Variants in EPB41 observed in about 807,000 individuals in gnomAD.
EPB41 encodes protein 4.1.
EPB41 carries 65 observed loss-of-function variants against 108.0 expected under a neutral mutation model. The ratio of observed to expected loss-of-function variants is 0.60; its 90% CI spans 0.49 to 0.74. EPB41 has a LOEUF of 0.74. Ranked by LOEUF, EPB41 falls within the 30% of genes least tolerant of loss-of-function variation. The pLI, the probability that EPB41 is intolerant of heterozygous loss-of-function variation, is 0.00. For synonymous variants in EPB41, 336 were observed against 358.9 expected (o/e 0.94, Z 0.72); for missense variants, 875 against 1,037.0 (o/e 0.84, Z 2.15).
intron 16 of EPB41, among the ~76,000 whole-genome samples, chr1:29,088,771 C>G (rs1660170272): frequency 6.6e-6 from 1 of 152,088 alleles, no homozygotes; most frequent in Non-Finnish European, 1.5e-5. Context: ...TTGTATGTCT[C>G]AAAGTTAAAG....
chr1:29,111,901 C>T (rs573950066), intron 18 of EPB41, among the ~76,000 whole-genome samples: 20 of 150,164 alleles, frequency 1.3e-4, no homozygotes, highest in East Asian at 1.2e-3. Context: ...TGCTTGAACC[C>T]GGGAGGCAGA....
chr1:28,987,899 A>C lies in EPB41; in HGVS notation c.462A>C (p.Glu154Asp). The stretch of plus-strand genomic sequence containing the variant: ...ATCTTCATTCATTAAGCAGTGCAGA[A>C]ACACAGGTAAGGATGTGTGGATATG... ...SLDLHSLSSAETQPAQEELRE... is the reference protein window; with the variant it reads ...SLDLHSLSSADTQPAQEELRE... Residue 154 changes from glutamate (E) to aspartate (D), a missense_variant, in exon 2 of 21, where the codon GAA becomes GAC. By Grantham distance (45) the Glu-to-Asp change is conservative. Coordinates refer to ENST00000343067, the MANE Select transcript of EPB41 (RefSeq NM_001376013.1). 6.2e-7 allele frequency: 1 copy of C among 1,614,160 alleles called. No individual in the cohort carries two copies. The highest frequency in any genetic ancestry group is 8.5e-7 in the Non-Finnish European group (1 of 1,179,986).
rs527623733 is a variant in EPB41, at chr1:29,007,073, C to G, written c.787-4792C>G. Among the ~76,000 whole-genome samples the G allele has an allele frequency of 2.6e-5, 4 of 151,868 alleles. No individual in the cohort carries two copies. The South Asian group carries it at 8.3e-4, about 32-fold the overall frequency. ...GATTCATTCATGCTGTTTCAAATAG[C>G]AATAGTTCATTCTCATTACTGTATA... On this transcript the variant is annotated intron_variant, in intron 4 of 20. Transcript: ENST00000343067.
At chr1:29,070,694 G>A (rs1029484052) in intron 16 of EPB41, 2 of 1,230,736 alleles carry the variant, frequency 1.6e-6, no homozygotes, top group African/African-American at 3.1e-5. Flanking sequence ...ATTGCTGTAT[G>A]ATGCCCTCTG....
At chr1:29,002,953 A>G (rs2096327749) in intron 4 of EPB41, among the ~76,000 whole-genome samples, 1 of 152,230 alleles carries the variant, frequency 6.6e-6, no homozygotes, top group Non-Finnish European at 1.5e-5. Flanking sequence ...TTTTCAGGAA[A>G]AACTGGTCTG....
chr1:28,913,933 G>A (rs960466746), upstream of EPB41, among the ~76,000 whole-genome samples: 2 of 152,184 alleles, frequency 1.3e-5, no homozygotes, highest in Non-Finnish European at 2.9e-5. Flanking sequence ...ATCCTTAAAT[G>A]CAGAAGACAG....
chr1:28,961,965 T>C (rs144468324), intron 1 of EPB41, among the ~76,000 whole-genome samples: 1 of 152,312 alleles, frequency 6.6e-6, no homozygotes, highest in Non-Finnish European at 1.5e-5. Flanking sequence ...CGTTAAATTT[T>C]AAGTTGGTTT....
chr1:29,011,441 C>T (rs1319973419), intron 4 of EPB41, among the ~76,000 whole-genome samples: 1 of 151,808 alleles, frequency 6.6e-6, no homozygotes, highest in African/African-American at 2.4e-5. Flanking sequence ...AATGTGGATG[C>T]TGTCAATTAA....
At chr1:28,988,856 A>C (rs1256411239) in intron 2 of EPB41, among the ~76,000 whole-genome samples, 1 of 152,096 alleles carries the variant, frequency 6.6e-6, no homozygotes, top group South Asian at 2.1e-4. Flanking sequence ...CTGTCCATTT[A>C]CTGTTTATAA....
At chr1:28,962,663 TAG>T (rs10582543) in intron 1 of EPB41, among the ~76,000 whole-genome samples, 3,091 of 152,166 alleles carry the variant, frequency 0.02, 99 homozygotes, top group African/African-American at 0.071. Context: ...TGGATTTGAC[TAG>T]GTTAGAACTT....
intron 1 of EPB41, among the ~76,000 whole-genome samples, chr1:28,936,706 G>C (rs774972115): frequency 6.6e-6 from 1 of 152,138 alleles, no homozygotes; most frequent in Non-Finnish European, 1.5e-5. Context: ...CATCCATGTG[G>C]TAGCATGTAT....
At chr1:29,045,041 A>G (rs1195500220) in intron 11 of EPB41, among the ~76,000 whole-genome samples, 1 of 152,116 alleles carries the variant, frequency 6.6e-6, no homozygotes, top group Non-Finnish European at 1.5e-5. Flanking sequence ...AAGTGTTTAA[A>G]TTCTCTAACA....
At position 29,058,840 on chromosome 1, in the gene EPB41, A is replaced by G. The variant is rs1646009439; in HGVS notation, c.1932A>G (p.Ile644Met). The G allele has an allele frequency of 6.4e-7, 1 of 1,550,936 alleles. No homozygotes were observed. The highest frequency in any genetic ancestry group is 8.7e-7 in the Non-Finnish European group (1 of 1,146,720). Reference protein sequence around the residue: ...QKLAEKTEDLIRMRKKKRERL... With the variant: ...QKLAEKTEDLMRMRKKKRERL... The stretch of plus-strand genomic sequence containing the variant: ...TTGCAGAAAAAACTGAAGATCTGAT[A>G]AGAATGAGGAAGGTTAGCCATTTTT... The change falls in exon 14 of 21, where the codon ATA (isoleucine) becomes ATG (methionine). Residue 644 changes from isoleucine (I) to methionine (M), a missense_variant. Physicochemically the swap from Ile to Met is conservative, Grantham distance 10. This residue lies in a region of EPB41 where 519 missense variants were observed against 627.3 expected (regional missense o/e 0.83). Transcript: ENST00000343067.
chr1:29,094,669 A>G (rs1215768857), intron 16 of EPB41, among the ~76,000 whole-genome samples: 1 of 152,102 alleles, frequency 6.6e-6, no homozygotes, highest in Non-Finnish European at 1.5e-5. Context: ...TTTTGTGGCA[A>G]GGTTATTTAT....
intron 2 of EPB41, among the ~76,000 whole-genome samples, chr1:28,990,533 A>G (rs1056271804): frequency 4.6e-5 from 7 of 151,606 alleles, no homozygotes; most frequent in African/African-American, 1.7e-4. Context: ...CTATCCTCCC[A>G]TCTCAGTCTC....
chr1:28,953,898 A>G (rs204059), intron 1 of EPB41, among the ~76,000 whole-genome samples: 67,036 of 152,092 alleles, frequency 0.44, 17,225 homozygotes, highest in East Asian at 0.85. Context: ...CCATATGTCA[A>G]GGTCGAGTCT....
rs1165044116 is a variant in EPB41, at chr1:29,117,890, T to G, written c.*1078T>G. ...AGGAACCTGCCTGAGGACACCCTTCTAGAGCAAGGAATTGACTTTTAGGAG... is the reference window on the plus strand; with the variant it reads ...AGGAACCTGCCTGAGGACACCCTTCGAGAGCAAGGAATTGACTTTTAGGAG... On this transcript the variant is annotated 3_prime_UTR_variant, in exon 21 of 21. Coordinates refer to ENST00000343067, the MANE Select transcript of EPB41 (RefSeq NM_001376013.1). The G allele has an allele frequency of 6.6e-6, 1 of 152,550 alleles. No homozygotes were observed. Among genetic ancestry groups the G allele is most frequent in the Non-Finnish European group, 1.5e-5 (1 of 68,056 alleles). 9.4% of individuals were successfully genotyped at this position (152,550 alleles called of 1,614,324 possible). A position where few individuals can be genotyped will look rare whatever the true frequency, so the allele number is the denominator to read the frequency against.
intron 5 of EPB41, among the ~76,000 whole-genome samples, chr1:29,013,288 G>A (rs752667900): frequency 2.7e-5 from 4 of 150,316 alleles, no homozygotes; most frequent in Non-Finnish European, 5.9e-5. Flanking sequence ...TCGCGCCACT[G>A]CACTCCAGCC....
At chr1:29,114,107 T>G (rs2151746340) in intron 19 of EPB41, among the ~76,000 whole-genome samples, 1 of 152,204 alleles carries the variant, frequency 6.6e-6, no homozygotes, top group Middle Eastern at 3.4e-3. Context: ...CTAGAGATGG[T>G]TCTTAAGAGC....
Sources: gnomAD v4.1 joint callset for allele counts (sites outside exome capture counted in the v4.1 genomes callset) on GRCh38, gnomAD v4.1.1 for gene constraint, gnomAD v4.1.1 regional missense constraint, MANE v1.5 for transcripts, NCBI Gene and HGNC (gene_info 2026-07-23, HGNC 2026-07-21) for gene names.